MAML1: variants seen among roughly 807,000 people sequenced by gnomAD.
MAML1 encodes the protein mastermind like transcriptional coactivator 1, also known as mastermind-like protein 1.
MAML1 carries 14 observed loss-of-function variants against 77.1 expected under a neutral mutation model. The observed-to-expected ratio is 0.18, with a 90% CI of 0.12 to 0.28. MAML1 has a LOEUF of 0.28. Ranked by LOEUF, MAML1 falls within the 10% of genes least tolerant of loss-of-function variation. The probability of loss-of-function intolerance (pLI) is 1.00; values close to 1 mark genes in which losing one functional copy is unlikely to be tolerated. For synonymous variants in MAML1, 516 were observed against 551.9 expected (o/e 0.93, Z 0.91); for missense variants, 1,217 against 1,327.8 (o/e 0.92, Z 1.30).
At chr5:179,746,812 C>T (rs980662317) in intron 1 of MAML1, among the ~76,000 whole-genome samples, 1 of 152,224 alleles carries the variant, frequency 6.6e-6, no homozygotes, top group African/African-American at 2.4e-5. Context: ...AACCATCCGA[C>T]TTGCAAAAGG....
chr5:179,736,964 T>TAA (rs1562543700), intron 1 of MAML1, among the ~76,000 whole-genome samples: 1 of 86,092 alleles, frequency 1.2e-5, no homozygotes, highest in Non-Finnish European at 3.2e-5. Flanking sequence ...CCGTCTCAAA[T>TAA]TAAAAAAAAA....
chr5:179,765,445 T>C lies in MAML1; in HGVS notation c.435T>C (p.Pro145=). Residue 145 remains proline, a synonymous_variant, in exon 2 of 5, where the codon CCT becomes CCC. Transcript: ENST00000292599. The part of the protein sequence containing the change: ...PGHKKTRREA[P]LGVAISSNGL... ...ATAAGAAGACTCGCCGGGAGGCCCCTCTGGGAGTTGCCATCTCTTCCAATG... is the reference window on the plus strand; with the variant it reads ...ATAAGAAGACTCGCCGGGAGGCCCCCCTGGGAGTTGCCATCTCTTCCAATG... The C allele has an allele frequency of 6.2e-7, 1 of 1,614,186 alleles. No homozygotes were observed. The highest frequency in any genetic ancestry group is 8.5e-7 in the Non-Finnish European group (1 of 1,180,036).
intron 1 of MAML1, among the ~76,000 whole-genome samples, chr5:179,762,250 T>C (rs141203739): frequency 0.014 from 2,082 of 152,178 alleles, 41 homozygotes; most frequent in African/African-American, 0.044. Flanking sequence ...GGCTAGTGCA[T>C]GGTGGGTGAG....
intron 1 of MAML1, among the ~76,000 whole-genome samples, chr5:179,746,499 G>A (rs1421342034): frequency 3.3e-5 from 5 of 151,636 alleles, no homozygotes; most frequent in African/African-American, 1.2e-4. Context: ...TCAGCCTCCC[G>A]AGTAGCTGGG....
intron 4 of MAML1, among the ~76,000 whole-genome samples, chr5:179,772,773 C>T (rs1756030748): frequency 6.6e-6 from 1 of 152,172 alleles, no homozygotes; most frequent in South Asian, 2.1e-4. Flanking sequence ...CAGTTCTGCA[C>T]CTCCACCCCC....
Position 179,766,388 on chromosome 5 carries a change from A to G in MAML1, c.1378A>G (p.Thr460Ala). ...ASPSSYKQDF[T>A]NSKLLMMPSV... Reference sequence around the variant, plus strand: ...CCCTTCCAGCTACAAGCAAGACTTCACTAACTCCAAACTGCTCATGATGCC... The same window carrying G: ...CCCTTCCAGCTACAAGCAAGACTTCGCTAACTCCAAACTGCTCATGATGCC... Residue 460 changes from threonine (T) to alanine (A), a missense_variant, in exon 2 of 5, where the codon ACT becomes GCT. Around this residue, in one of 3 missense-constraint regions of MAML1, gnomAD observed 884 missense variants for 949.3 expected, o/e 0.93. Coordinates refer to ENST00000292599, the MANE Select transcript of MAML1 (RefSeq NM_014757.5). The surrounding 1 kb of genome is among the most constrained non-coding windows in gnomAD (Gnocchi z 4.0). 6.2e-7 allele frequency: 1 copy of G among 1,610,546 alleles called. No homozygotes were observed.
intron 1 of MAML1, among the ~76,000 whole-genome samples, chr5:179,757,579 A>T (rs976398079): frequency 1.3e-5 from 2 of 151,976 alleles, no homozygotes; most frequent in Non-Finnish European, 2.9e-5. Context: ...AAAAAAAAAG[A>T]AGTATAGCAA....
chr5:179,775,033 T>A lies in MAML1; in HGVS notation c.*156T>A. ...GTGAGGCCTGGCCCTGGGCAGGGTCTGTGGCTGCGCCCCTCAGGCCAGCAG... is the reference window on the plus strand; with the variant it reads ...GTGAGGCCTGGCCCTGGGCAGGGTCAGTGGCTGCGCCCCTCAGGCCAGCAG... On this transcript the variant is annotated 3_prime_UTR_variant, in exon 5 of 5. Coordinates refer to ENST00000292599, the MANE Select transcript of MAML1 (RefSeq NM_014757.5). 3 of 1,437,436 alleles carry A rather than the reference T, an allele frequency of 2.1e-6. No homozygotes were observed. Among genetic ancestry groups the A allele is most frequent in the Non-Finnish European group, 2.7e-6 (3 of 1,101,432 alleles). 89.0% of individuals were successfully genotyped at this position (1,437,436 alleles called of 1,614,324 possible).
chr5:179,754,511 G>A (rs1779572702), intron 1 of MAML1, among the ~76,000 whole-genome samples: 1 of 151,996 alleles, frequency 6.6e-6, no homozygotes, highest in African/African-American at 2.4e-5. Context: ...GGAAGATAGA[G>A]CTCGGGAGGT....
intron 1 of MAML1, among the ~76,000 whole-genome samples, chr5:179,744,610 C>G (rs1779345995): frequency 6.6e-6 from 1 of 151,322 alleles, no homozygotes; most frequent in Non-Finnish European, 1.5e-5. Context: ...GATCTTGGCT[C>G]ACTGCAACCT....
At chr5:179,760,919 G>A (rs12055013) in intron 1 of MAML1, among the ~76,000 whole-genome samples, 4,400 of 151,984 alleles carry the variant, frequency 0.029, 220 homozygotes, top group East Asian at 0.14. Flanking sequence ...GTGAAACCCC[G>A]TCTCTACTAA....
chr5:179,757,338 C>T (rs939639993), intron 1 of MAML1, among the ~76,000 whole-genome samples: 11 of 151,798 alleles, frequency 7.2e-5, no homozygotes, highest in African/African-American at 2.2e-4. Context: ...GAGGCCAAGG[C>T]GGGCAGACTG....
intron 1 of MAML1, among the ~76,000 whole-genome samples, chr5:179,741,313 A>G (rs1317524806): frequency 6.6e-6 from 1 of 152,164 alleles, no homozygotes; most frequent in Non-Finnish European, 1.5e-5. Context: ...GTCATTGCAA[A>G]GCCGAGTTCA....
chr5:179,748,197 C>G (rs963825153), intron 1 of MAML1, among the ~76,000 whole-genome samples: 1 of 152,150 alleles, frequency 6.6e-6, no homozygotes, highest in African/African-American at 2.4e-5. Flanking sequence ...ATCCTTGTGT[C>G]TCAGCCTCCT....
Position 179,774,691 on chromosome 5 carries a change from G to A in MAML1, c.2865G>A (p.Leu955=). The change falls in exon 5 of 5, where the codon CTG becomes CTA. Residue 955 remains leucine (L), a synonymous_variant. Coordinates refer to ENST00000292599, the MANE Select transcript of MAML1 (RefSeq NM_014757.5). ...CACAGATGGGCGGTCGGGCGGGGCT[G>A]CACTGCACCCAGGCCTACCCTGTGC... The part of the protein sequence containing the change: ...PASQMGGRAG[L]HCTQAYPVRT... 1.9e-6 allele frequency: 3 copies of A among 1,610,196 alleles called. No homozygotes were observed. Among genetic ancestry groups the A allele is most frequent in the Non-Finnish European group, 2.5e-6 (3 of 1,179,912 alleles).
At position 179,776,584 on chromosome 5, in the gene MAML1, C is replaced by CT; in HGVS notation, c.*1708dup. 1 of 985,640 alleles carries CT rather than the reference C, an allele frequency of 1.0e-6. No individual in the cohort carries two copies. The highest frequency in any genetic ancestry group is 4.7e-5 in the South Asian group (1 of 21,286). 61.1% of individuals were successfully genotyped at this position (985,640 alleles called of 1,614,324 possible). ...ATAAAGCCAGTGAAAATTTCACCCT[C>CT]TGAGGGAGTTCCCCAATCTGAAGGG... On this transcript the variant is annotated 3_prime_UTR_variant, in exon 5 of 5. Coordinates refer to ENST00000292599, the MANE Select transcript of MAML1 (RefSeq NM_014757.5).
intron 1 of MAML1, among the ~76,000 whole-genome samples, chr5:179,735,163 T>C (rs1321264632): frequency 6.6e-6 from 1 of 151,978 alleles, no homozygotes; most frequent in Non-Finnish European, 1.5e-5. Flanking sequence ...ACCCTAAAAC[T>C]TAAAGTATGA....
rs757769900 is a variant in MAML1, at chr5:179,733,110, C to T, written c.-3C>T. On this transcript the variant is annotated 5_prime_UTR_variant, in exon 1 of 5. Transcript: ENST00000292599. Reference sequence around the variant, plus strand: ...CGGGCCCGGCCCGTGCAGCCCGCGGCCCATGGTGCTGCCCACCTGCCCCAT... The same window carrying T: ...CGGGCCCGGCCCGTGCAGCCCGCGGTCCATGGTGCTGCCCACCTGCCCCAT... 2.5e-5 allele frequency: 35 copies of T among 1,401,856 alleles called. No homozygotes were observed. The South Asian group carries it at 4.5e-4, about 18-fold the overall frequency. The allele number at this position is 1,401,856 out of a possible 1,614,324, so 86.8% of individuals were successfully genotyped here.
chr5:179,757,807 T>C (rs1779650652), intron 1 of MAML1, among the ~76,000 whole-genome samples: 1 of 152,234 alleles, frequency 6.6e-6, no homozygotes, highest in Non-Finnish European at 1.5e-5. Context: ...AATCAATCTA[T>C]TTAACAATTT....
Sources: allele counts gnomAD v4.1 joint callset (sites outside exome capture counted in the v4.1 genomes callset), GRCh38; gene constraint gnomAD v4.1.1; regional missense constraint gnomAD v4.1.1; non-coding constraint Gnocchi (gnomAD v3.1); transcripts MANE v1.5; gene names NCBI Gene and HGNC (gene_info 2026-07-23, HGNC 2026-07-21).